KALRN: variants seen among roughly 807,000 people sequenced by gnomAD.
The protein encoded by KALRN is kalirin.
Under a neutral mutation model 353.7 loss-of-function variants are expected in KALRN, and 70 were observed. The ratio of observed to expected loss-of-function variants is 0.20; its 90% CI spans 0.16 to 0.24. KALRN has a LOEUF of 0.24. Among genes scored for constraint, KALRN ranks in the 10% least tolerant of loss-of-function variants. KALRN has a pLI of 1.00. For missense variants in KALRN, 2,791 were observed against 3,756.7 expected, an observed-to-expected ratio of 0.74 and a Z score of 6.72; for synonymous variants, 1,391 against 1,434.8, an observed-to-expected ratio of 0.97 and a Z score of 0.69.
chr3:124,045,753 G>T (rs956408266), intron 1 of KALRN, among the ~76,000 whole-genome samples: 1 of 136,866 alleles, frequency 7.3e-6, no homozygotes, highest in Non-Finnish European at 1.5e-5. Flanking sequence ...GCCTAATGGG[G>T]GGGGGGGGGT....
intron 1 of KALRN, chr3:124,094,748 G>A: frequency 9.1e-7 from 1 of 1,096,390 alleles, no homozygotes; most frequent in Non-Finnish European, 1.4e-6. Flanking sequence ...TGCGAGCCCA[G>A]CGTCAAGTGA....
At chr3:124,084,298 T>C (rs552901256) in intron 1 of KALRN, among the ~76,000 whole-genome samples, 74 of 152,256 alleles carry the variant, frequency 4.9e-4, no homozygotes, top group African/African-American at 1.7e-3. Flanking sequence ...AGTGCACAGG[T>C]GTTGTGCAGC....
At chr3:124,315,583 T>G (rs2078728001) in intron 6 of KALRN, among the ~76,000 whole-genome samples, 1 of 151,906 alleles carries the variant, frequency 6.6e-6, no homozygotes, top group Non-Finnish European at 1.5e-5. Context: ...CTCTCTCAGG[T>G]CCTTTGTCAG....
chr3:124,225,439 A>G (rs1579643408), intron 1 of KALRN, among the ~76,000 whole-genome samples: 1 of 152,210 alleles, frequency 6.6e-6, no homozygotes, highest in Non-Finnish European at 1.5e-5. Context: ...TTACTTGTGG[A>G]CACACAACCA....
intron 1 of KALRN, among the ~76,000 whole-genome samples, chr3:124,207,209 C>T (rs74660117): frequency 0.022 from 3,366 of 152,306 alleles, 141 homozygotes; most frequent in African/African-American, 0.077. Flanking sequence ...GGCCATCACT[C>T]CATTCCTGGC....
At chr3:124,673,113 G>A (rs927379351) in intron 48 of KALRN, among the ~76,000 whole-genome samples, 5 of 152,098 alleles carry the variant, frequency 3.3e-5, no homozygotes, top group Admixed American at 6.6e-5. Context: ...GGCCAGATGC[G>A]CTGGCTCACG....
chr3:124,432,266 T>C (rs2093306598), intron 16 of KALRN, among the ~76,000 whole-genome samples: 1 of 150,794 alleles, frequency 6.6e-6, no homozygotes, highest in Admixed American at 6.6e-5. Flanking sequence ...AAAAAAAAAG[T>C]AGCCAGGCAT....
chr3:124,215,272 C>T (rs575986358), intron 1 of KALRN, among the ~76,000 whole-genome samples: 7 of 152,154 alleles, frequency 4.6e-5, no homozygotes, highest in South Asian at 4.2e-4. Flanking sequence ...TAGTACTCGC[C>T]GAATAGCCCA....
intron 1 of KALRN, among the ~76,000 whole-genome samples, chr3:124,168,357 G>A (rs1023250218): frequency 2.6e-5 from 4 of 152,316 alleles, no homozygotes; most frequent in African/African-American, 9.6e-5. Context: ...GGAAGTGATG[G>A]GGTTTGGTTG....
intron 1 of KALRN, among the ~76,000 whole-genome samples, chr3:124,082,102 A>C (rs2060571558): frequency 6.6e-6 from 1 of 152,202 alleles, no homozygotes; most frequent in Admixed American, 6.5e-5. Context: ...TGGAGCATGG[A>C]GGCAGTGTAG....
chr3:124,609,172 G>A (rs1048771480), intron 34 of KALRN, among the ~76,000 whole-genome samples: 2 of 152,104 alleles, frequency 1.3e-5, no homozygotes, highest in African/African-American at 4.8e-5. Context: ...CACAAAATAG[G>A]TGGATTACAG....
chr3:124,053,919 A>C (rs755673981), intron 1 of KALRN, among the ~76,000 whole-genome samples: 15 of 152,180 alleles, frequency 9.9e-5, no homozygotes, highest in Non-Finnish European at 1.8e-4. Flanking sequence ...GTGTCAAATT[A>C]ATTTTTTCCC....
intron 3 of KALRN, among the ~76,000 whole-genome samples, chr3:124,239,808 A>G (rs1393776781): frequency 6.6e-6 from 1 of 152,148 alleles, no homozygotes; most frequent in African/African-American, 2.4e-5. Context: ...ACTGCCATGA[A>G]ACATGTTCTG....
chr3:124,109,743 T>C (rs1294406514), intron 1 of KALRN, among the ~76,000 whole-genome samples: 1 of 129,962 alleles, frequency 7.7e-6, no homozygotes, highest in Non-Finnish European at 1.6e-5. Context: ...GATATATATA[T>C]GACATATATA....
At chr3:124,584,755 TCCC>T in intron 34 of KALRN, 2 of 1,537,186 alleles carry the variant, frequency 1.3e-6, no homozygotes, top group South Asian at 2.4e-5. Context: ...GAAGTTTCCT[TCCC>T]GCCGCGCTCT....
chr3:124,051,023 A>G (rs921581973), intron 1 of KALRN, among the ~76,000 whole-genome samples: 7 of 152,198 alleles, frequency 4.6e-5, no homozygotes, highest in African/African-American at 1.7e-4. Context: ...AGTTAAAACA[A>G]TAATTTGGGG....
At chr3:124,492,601 A>T (rs1352444424) in intron 31 of KALRN, 139 bp from the exon 32 acceptor site, 10 of 846,378 alleles carry the variant, frequency 1.2e-5, no homozygotes, top group Non-Finnish European at 1.8e-5. Flanking sequence ...AAGAGTCATA[A>T]GTATGAAATG....
At chr3:124,087,473 C>A (rs951158439) in intron 1 of KALRN, among the ~76,000 whole-genome samples, 3 of 152,120 alleles carry the variant, frequency 2.0e-5, no homozygotes, top group Non-Finnish European at 4.4e-5. Context: ...AAAGAAGGCA[C>A]AATCATTTTC....
At chr3:124,352,940 C>G (rs890899632) in intron 10 of KALRN, among the ~76,000 whole-genome samples, 2 of 152,092 alleles carry the variant, frequency 1.3e-5, no homozygotes, top group African/African-American at 4.8e-5. Context: ...GTGCAGCAAA[C>G]CAACATGGCA....
Sources: gnomAD v4.1 joint callset for allele counts (sites outside exome capture counted in the v4.1 genomes callset) on GRCh38, gnomAD v4.1.1 for gene constraint, MANE v1.5 for transcripts, NCBI Gene and HGNC (gene_info 2026-07-23, HGNC 2026-07-21) for gene names.